The following NCOA2 variants were observed in gnomAD, a reference collection of about 807,000 sequenced individuals.
The protein encoded by NCOA2 is nuclear receptor coactivator 2.
NCOA2 carries 21 observed loss-of-function variants against 145.1 expected under a neutral mutation model. That is an observed-to-expected ratio of 0.14 (90% CI 0.10 to 0.21). The LOEUF is 0.21. Among genes scored for constraint, NCOA2 ranks in the 10% least tolerant of loss-of-function variants. The probability of loss-of-function intolerance (pLI) is 1.00; values close to 1 mark genes in which losing one functional copy is unlikely to be tolerated. For missense variants in NCOA2, 1,472 were observed against 1,837.6 expected (o/e 0.80, Z 3.64); for synonymous variants, 619 against 637.5 (o/e 0.97, Z 0.44).
rs1316667449 is a variant in NCOA2, at chr8:70,233,205, GA to G, written c.-19-16442del. 3.3e-5 allele frequency among the ~76,000 whole-genome samples: 5 copies of G among 151,682 alleles called. No individual in the cohort carries two copies. The East Asian group carries it at 9.7e-4, about 29-fold the overall frequency. ...CGCACCACTACACTCCAGCCTGGGT[GA>G]CAGAGTGAGACTCCGTTTAAAAAAA... On this transcript the variant is annotated intron_variant, in intron 2 of 22. Coordinates refer to ENST00000452400, the MANE Select transcript of NCOA2 (RefSeq NM_006540.4).
the NCOA2 span, among the ~76,000 whole-genome samples, chr8:70,442,249 T>C: frequency 1.3e-5 from 2 of 152,210 alleles, no homozygotes; most frequent in Non-Finnish European, 2.9e-5. Flanking sequence ...CCCATTAAAG[T>C]TGGCACGCGC....
intron 1 of NCOA2, among the ~76,000 whole-genome samples, chr8:70,327,837 C>T (rs1806735971): frequency 6.6e-6 from 1 of 152,138 alleles, no homozygotes; most frequent in Admixed American, 6.6e-5. Flanking sequence ...TTTAAAGCTA[C>T]ATTACCTACC....
intron 2 of NCOA2, among the ~76,000 whole-genome samples, chr8:70,293,446 T>C (rs1826860881): frequency 6.6e-6 from 1 of 152,222 alleles, no homozygotes; most frequent in African/African-American, 2.4e-5. Flanking sequence ...ATATAGCACT[T>C]AGTACACAAC....
At chr8:70,434,263 T>C in the NCOA2 span, among the ~76,000 whole-genome samples, 2 of 152,168 alleles carry the variant, frequency 1.3e-5, no homozygotes, top group Non-Finnish European at 2.9e-5. Context: ...AAAACAAGCA[T>C]ACTATAAATA....
intron 2 of NCOA2, among the ~76,000 whole-genome samples, chr8:70,232,981 C>T (rs1821272498): frequency 1.3e-5 from 2 of 152,074 alleles, no homozygotes; most frequent in African/African-American, 2.4e-5. Flanking sequence ...AATCCCAGCA[C>T]TTTGGGAGGC....
At chr8:70,433,821 A>AG in the NCOA2 span, among the ~76,000 whole-genome samples, 1 of 152,178 alleles carries the variant, frequency 6.6e-6, no homozygotes. Context: ...CGCTTCTTAA[A>AG]GGGGGCACCA....
the NCOA2 span, among the ~76,000 whole-genome samples, chr8:70,428,329 A>G: frequency 0.22 from 32,856 of 151,960 alleles, 3,924 homozygotes; most frequent in East Asian, 0.51. Flanking sequence ...GCATGATGGC[A>G]TGCACCTATA....
chr8:70,381,879 T>G (rs138225860), intron 1 of NCOA2, among the ~76,000 whole-genome samples: 2 of 152,302 alleles, frequency 1.3e-5, no homozygotes, highest in Non-Finnish European at 2.9e-5. Flanking sequence ...TAAAAAGCAT[T>G]TAATCTATAT....
At chr8:70,255,378 T>C (rs917590099) in intron 2 of NCOA2, among the ~76,000 whole-genome samples, 3 of 152,246 alleles carry the variant, frequency 2.0e-5, no homozygotes, top group Middle Eastern at 3.2e-3. Context: ...AAAGTATAGG[T>C]AATTTTATTT....
At chr8:70,324,134 CTGG>C (rs1806337239) in intron 1 of NCOA2, among the ~76,000 whole-genome samples, 1 of 152,132 alleles carries the variant, frequency 6.6e-6, no homozygotes, top group Non-Finnish European at 1.5e-5. Context: ...ACTAAGTAAG[CTGG>C]TGATTATTCT....
chr8:70,197,173 A>G (rs943532440), intron 4 of NCOA2, among the ~76,000 whole-genome samples: 15 of 152,242 alleles, frequency 9.9e-5, no homozygotes, highest in African/African-American at 3.4e-4. Flanking sequence ...TTATTTAAAC[A>G]TTACCCATAT....
the NCOA2 span, among the ~76,000 whole-genome samples, chr8:70,455,651 A>T: frequency 2.0e-5 from 3 of 151,906 alleles, no homozygotes; most frequent in Admixed American, 2.0e-4. Context: ...GGAAAAAAAA[A>T]ATCACCCAAC....
chr8:70,119,451 T>C (rs746973284), intron 22 of NCOA2, among the ~76,000 whole-genome samples: 2 of 152,212 alleles, frequency 1.3e-5, no homozygotes, highest in African/African-American at 4.8e-5. Flanking sequence ...TCTTTATCCA[T>C]TTTATCCACT....
intron 1 of NCOA2, among the ~76,000 whole-genome samples, chr8:70,393,812 G>A (rs1042953003): frequency 2.6e-5 from 4 of 152,212 alleles, no homozygotes; most frequent in African/African-American, 7.2e-5. Flanking sequence ...ACGATCGTGA[G>A]AATGCTGCTA....
intron 14 of NCOA2, 86 bp downstream of exon 14, chr8:70,141,098 A>T: frequency 7.6e-7 from 1 of 1,317,808 alleles, no homozygotes; most frequent in Non-Finnish European, 1.1e-6. Flanking sequence ...AATGCCCATA[A>T]GAAGCATGTC....
intron 2 of NCOA2, among the ~76,000 whole-genome samples, chr8:70,292,953 T>C (rs1378448786): frequency 6.6e-6 from 1 of 152,234 alleles, no homozygotes; most frequent in Non-Finnish European, 1.5e-5. Flanking sequence ...TAGTCCGTTC[T>C]GCGTATTAAG....
At chr8:70,385,104 T>TGGAGTTGGATGGC (rs1812539169) in intron 1 of NCOA2, among the ~76,000 whole-genome samples, 2 of 152,220 alleles carry the variant, frequency 1.3e-5, no homozygotes, top group African/African-American at 2.4e-5. Flanking sequence ...TGACCATAAA[T>TGGAGTTGGATGGC]AATCCTGAAT....
chr8:70,284,504 T>C (rs1016770923), intron 2 of NCOA2, among the ~76,000 whole-genome samples: 1 of 152,226 alleles, frequency 6.6e-6, no homozygotes, highest in African/African-American at 2.4e-5. Context: ...TACTCATTTG[T>C]TCCTAAAAAG....
At chr8:70,397,519 G>A (rs912557414) in intron 1 of NCOA2, among the ~76,000 whole-genome samples, 3 of 150,482 alleles carry the variant, frequency 2.0e-5, no homozygotes, top group Non-Finnish European at 4.4e-5. Flanking sequence ...GACAACCATA[G>A]CAGAATACTT....
Sources: allele counts gnomAD v4.1 joint callset (sites outside exome capture counted in the v4.1 genomes callset), GRCh38; gene constraint gnomAD v4.1.1; transcripts MANE v1.5; gene names NCBI Gene and HGNC (gene_info 2026-07-23, HGNC 2026-07-21).